Variants in OGDH observed in about 807,000 individuals in gnomAD.
OGDH encodes 2-oxoglutarate dehydrogenase complex component E1.
In OGDH, 38 loss-of-function variants were observed where a neutral mutation model predicts 116.6. The observed-to-expected ratio is 0.33, with a 90% CI of 0.25 to 0.43. The LOEUF (loss-of-function observed/expected upper bound fraction) is 0.43, where lower values mean the gene tolerates loss of function less well. OGDH is among the 20% of genes least tolerant of loss of function. OGDH has a pLI of 1.00. For synonymous variants in OGDH, 488 were observed against 533.3 expected (o/e 0.92, Z 1.17); for missense variants, 825 against 1,357.2 (o/e 0.61, Z 6.16).
At chr7:44,637,836 G>A (rs887931600) in intron 2 of OGDH, among the ~76,000 whole-genome samples, 1 of 151,844 alleles carries the variant, frequency 6.6e-6, no homozygotes, top group African/African-American at 2.4e-5. Context: ...AAAAAAAATG[G>A]TATTCATTTT....
chr7:44,671,695 G>A (rs1471775916), intron 5 of OGDH, among the ~76,000 whole-genome samples: 2 of 150,894 alleles, frequency 1.3e-5, no homozygotes, highest in Non-Finnish European at 2.9e-5. Flanking sequence ...TTGAACCCGG[G>A]AGGCGGAGGT....
intron 1 of OGDH, among the ~76,000 whole-genome samples, chr7:44,609,509 CAA>C (rs56730903): frequency 1.5e-3 from 159 of 103,782 alleles, no homozygotes; most frequent in Middle Eastern, 5.3e-3. Flanking sequence ...GACCCTGTCT[CAA>C]AAAAAAAAAA....
chr7:44,658,096 C>A (rs1786774346), intron 4 of OGDH, among the ~76,000 whole-genome samples: 3 of 152,116 alleles, frequency 2.0e-5, no homozygotes, highest in Admixed American at 2.0e-4. Context: ...GGGCCTTTTC[C>A]TTCTCCATAT....
chr7:44,609,297 C>G (rs1784472417), intron 1 of OGDH, among the ~76,000 whole-genome samples: 1 of 139,298 alleles, frequency 7.2e-6, no homozygotes, highest in African/African-American at 2.7e-5. Flanking sequence ...GCTTGAGCCC[C>G]AGGAGTTCGA....
chr7:44,698,437 G>A (rs1788684077), intron 18 of OGDH, among the ~76,000 whole-genome samples, 174 bp downstream of exon 18: 1 of 152,098 alleles, frequency 6.6e-6, no homozygotes, highest in Non-Finnish European at 1.5e-5. Context: ...TGGGCGCCCT[G>A]GGATGAGAGA....
At chr7:44,666,267 T>G (rs1456752324) in intron 4 of OGDH, among the ~76,000 whole-genome samples, 1 of 152,200 alleles carries the variant, frequency 6.6e-6, no homozygotes, top group Non-Finnish European at 1.5e-5. Context: ...CTTTTTGACA[T>G]TCACCACATA....
chr7:44,678,830 T>C (rs376644570), intron 9 of OGDH, among the ~76,000 whole-genome samples: 6 of 152,206 alleles, frequency 3.9e-5, no homozygotes, highest in Admixed American at 3.9e-4. Context: ...AGCTGGAGTG[T>C]GTGTTATGTA....
At chr7:44,693,608 A>G (rs1788456552) in intron 10 of OGDH, among the ~76,000 whole-genome samples, 1 of 152,224 alleles carries the variant, frequency 6.6e-6, no homozygotes, top group African/African-American at 2.4e-5. Flanking sequence ...AACTTTTCAT[A>G]CTATGTCTTT....
intron 7 of OGDH, among the ~76,000 whole-genome samples, chr7:44,674,933 A>G (rs926427530): frequency 6.6e-5 from 10 of 152,166 alleles, no homozygotes; most frequent in African/African-American, 2.4e-4. Context: ...GAGAAGGGTA[A>G]GGAAGCCTCA....
At chr7:44,619,411 G>C (rs1784924247) in intron 1 of OGDH, among the ~76,000 whole-genome samples, 1 of 152,120 alleles carries the variant, frequency 6.6e-6, no homozygotes, top group South Asian at 2.1e-4. Context: ...ATTGCTTATT[G>C]GTAGGGAGAA....
At chr7:44,706,844 G>A (rs1419133949) in intron 20 of OGDH, among the ~76,000 whole-genome samples, 1 of 151,378 alleles carries the variant, frequency 6.6e-6, no homozygotes, top group Non-Finnish European at 1.5e-5. Flanking sequence ...GGCTGGTCTC[G>A]AACTCCTGAA....
chr7:44,698,085 GA>G, intron 17 of OGDH, 106 bp from the exon 18 acceptor site: 1 of 1,322,854 alleles, frequency 7.6e-7, no homozygotes, highest in South Asian at 1.2e-5. Flanking sequence ...CTGCCATCAA[GA>G]AAAAAGATAA....
intron 4 of OGDH, 94 bp downstream of exon 4, chr7:44,647,853 C>T (rs1269920571): frequency 3.3e-6 from 3 of 901,352 alleles, no homozygotes; most frequent in Non-Finnish European, 5.4e-6. Context: ...GAGGGAAAGG[C>T]TCTTAAGTTT....
chr7:44,679,574 G>T (rs147925253), intron 9 of OGDH, among the ~76,000 whole-genome samples: 1 of 152,196 alleles, frequency 6.6e-6, no homozygotes, highest in Non-Finnish European at 1.5e-5. Context: ...CAGTAGGCCC[G>T]TAGGCTGAGG....
chr7:44,701,090 C>T (rs1217009866), intron 19 of OGDH, among the ~76,000 whole-genome samples: 1 of 152,120 alleles, frequency 6.6e-6, no homozygotes, highest in Non-Finnish European at 1.5e-5. Flanking sequence ...TGGGATACCG[C>T]GGGGGTGGGA....
At chr7:44,661,983 C>T (rs572968444) in intron 4 of OGDH, among the ~76,000 whole-genome samples, 2 of 152,186 alleles carry the variant, frequency 1.3e-5, no homozygotes, top group Non-Finnish European at 2.9e-5. Context: ...TTATCATCTA[C>T]TAGTGTCATA....
At chr7:44,656,238 T>C in intron 4 of OGDH, 2 of 1,366,504 alleles carry the variant, frequency 1.5e-6, no homozygotes. Context: ...AGGGTTTTGG[T>C]GTTTGGGTCT....
intron 10 of OGDH, among the ~76,000 whole-genome samples, chr7:44,686,678 TTTC>T: frequency 6.7e-6 from 1 of 148,404 alleles, no homozygotes; most frequent in Non-Finnish European, 1.5e-5. Flanking sequence ...AGGTTTTTAT[TTTC>T]TTTTTTTCTT....
At chr7:44,630,041 G>A (rs187832516) in intron 2 of OGDH, among the ~76,000 whole-genome samples, 167 of 152,276 alleles carry the variant, frequency 1.1e-3, no homozygotes, top group Middle Eastern at 6.8e-3. Flanking sequence ...CTCATCTGTC[G>A]ACACCGTTCT....
Sources: allele counts gnomAD v4.1 joint callset (sites outside exome capture counted in the v4.1 genomes callset), GRCh38; gene constraint gnomAD v4.1.1; transcripts MANE v1.5; gene names NCBI Gene and HGNC (gene_info 2026-07-23, HGNC 2026-07-21).